The following MDGA2 variants were observed in gnomAD, a reference collection of about 807,000 sequenced individuals.
MDGA2 encodes the protein MAM domain containing glycosylphosphatidylinositol anchor 2.
A neutral mutation model predicts 117.8 loss-of-function variants in MDGA2; 40 were observed. The observed-to-expected ratio is 0.34, with a 90% CI of 0.26 to 0.44. The LOEUF (loss-of-function observed/expected upper bound fraction) is 0.44, where lower values mean the gene tolerates loss of function less well. Among genes scored for constraint, MDGA2 ranks in the 20% least tolerant of loss-of-function variants. The pLI, the probability that MDGA2 is intolerant of heterozygous loss-of-function variation, is 1.00. For synonymous variants in MDGA2, 452 were observed against 439.0 expected, an observed-to-expected ratio of 1.03 and a Z score of -0.37; for missense variants, 1,123 against 1,250.6, an observed-to-expected ratio of 0.90 and a Z score of 1.54.
intron 1 of MDGA2, among the ~76,000 whole-genome samples, chr14:47,425,103 A>C (rs1892660574): frequency 6.6e-6 from 1 of 152,274 alleles, no homozygotes; most frequent in Middle Eastern, 3.4e-3. Flanking sequence ...AGGCAATTTA[A>C]ATTTAGCTTA....
intron 5 of MDGA2, among the ~76,000 whole-genome samples, chr14:47,120,286 C>A (rs985634516): frequency 6.6e-6 from 1 of 152,114 alleles, no homozygotes; most frequent in African/African-American, 2.4e-5. Context: ...GTCCCCAGAA[C>A]ATGAGGGCAA....
At chr14:47,074,698 T>C (rs1333026645) in intron 6 of MDGA2, among the ~76,000 whole-genome samples, 2 of 152,198 alleles carry the variant, frequency 1.3e-5, no homozygotes, top group Non-Finnish European at 2.9e-5. Context: ...TTCTGACCTT[T>C]TGTTTATAGC....
chr14:46,957,680 G>A (rs1353772283), intron 8 of MDGA2, 37 bp from the exon 9 acceptor site: 2 of 1,608,532 alleles, frequency 1.2e-6, no homozygotes, highest in South Asian at 2.2e-5. Flanking sequence ...TGAAAGATGT[G>A]ACTTGCAATA....
At chr14:47,466,064 A>G (rs1387494418) in intron 1 of MDGA2, among the ~76,000 whole-genome samples, 3 of 152,296 alleles carry the variant, frequency 2.0e-5, no homozygotes, top group East Asian at 3.9e-4. Flanking sequence ...AAACTAGCAC[A>G]AGAGCAGAAA....
chr14:47,256,100 T>C (rs1169340328), intron 2 of MDGA2, among the ~76,000 whole-genome samples: 1 of 151,266 alleles, frequency 6.6e-6, no homozygotes, highest in Admixed American at 6.6e-5. Flanking sequence ...CAAATTTCTT[T>C]TTTTTTTTTT....
chr14:47,029,317 G>A (rs1048413199), intron 8 of MDGA2, among the ~76,000 whole-genome samples: 2 of 152,092 alleles, frequency 1.3e-5, no homozygotes, highest in African/African-American at 2.4e-5. Flanking sequence ...ACTGAAACAG[G>A]TGAGGAACAT....
chr14:47,343,744 C>A (rs1487480533), intron 1 of MDGA2, among the ~76,000 whole-genome samples: 1 of 151,998 alleles, frequency 6.6e-6, no homozygotes, highest in African/African-American at 2.4e-5. Context: ...TTTCTTAAAG[C>A]TTTCCCTAGT....
chr14:47,169,170 C>A (rs529660665), intron 3 of MDGA2, among the ~76,000 whole-genome samples: 2 of 151,980 alleles, frequency 1.3e-5, no homozygotes, highest in Non-Finnish European at 2.9e-5. Context: ...TTACATACAC[C>A]CTTCAACACA....
intron 1 of MDGA2, among the ~76,000 whole-genome samples, chr14:47,396,653 C>T (rs958405152): frequency 6.6e-6 from 1 of 152,040 alleles, no homozygotes; most frequent in Admixed American, 6.6e-5. Flanking sequence ...AAAAAAACAA[C>T]CCCATCCAAA....
intron 3 of MDGA2, among the ~76,000 whole-genome samples, chr14:47,169,314 A>G (rs1322890363): frequency 6.6e-6 from 1 of 151,874 alleles, no homozygotes; most frequent in East Asian, 1.9e-4. Context: ...ATTCATAGAT[A>G]TTTCTATAAT....
chr14:47,162,393 GCTAC>G (rs1883679992), intron 3 of MDGA2, among the ~76,000 whole-genome samples: 1 of 152,028 alleles, frequency 6.6e-6, no homozygotes, highest in South Asian at 2.1e-4. Context: ...ATGGTCACTG[GCTAC>G]AGGATTCCTG....
At chr14:47,175,883 T>C (rs868804449) in intron 3 of MDGA2, among the ~76,000 whole-genome samples, 1 of 151,968 alleles carries the variant, frequency 6.6e-6, no homozygotes, top group African/African-American at 2.4e-5. Context: ...GACGACATGA[T>C]TGTATATCTA....
intron 1 of MDGA2, among the ~76,000 whole-genome samples, chr14:47,390,041 T>G (rs1229557256): frequency 6.6e-6 from 1 of 152,144 alleles, no homozygotes; most frequent in Admixed American, 6.5e-5. Context: ...ATGACTTCCC[T>G]TAGACTCTTA....
At chr14:47,367,862 G>T (rs1004072877) in intron 1 of MDGA2, among the ~76,000 whole-genome samples, 4 of 152,116 alleles carry the variant, frequency 2.6e-5, no homozygotes, top group Non-Finnish European at 5.9e-5. Context: ...GATGTTCTTT[G>T]TATCTATCTG....
chr14:47,390,072 C>T (rs1456528951), intron 1 of MDGA2, among the ~76,000 whole-genome samples: 1 of 152,032 alleles, frequency 6.6e-6, no homozygotes, highest in Non-Finnish European at 1.5e-5. Flanking sequence ...TCCTGTAATC[C>T]GTAGAACTTC....
intron 3 of MDGA2, among the ~76,000 whole-genome samples, chr14:47,183,744 G>A (rs1011977500): frequency 3.3e-5 from 5 of 151,910 alleles, no homozygotes; most frequent in African/African-American, 1.2e-4. Context: ...TGTTATTATT[G>A]TTAGAGACTA....
At chr14:47,649,896 G>GA (rs536880684) in intron 1 of MDGA2, among the ~76,000 whole-genome samples, 154 of 152,160 alleles carry the variant, frequency 1.0e-3, no homozygotes, top group African/African-American at 3.5e-3. Context: ...AAAAAGTTGG[G>GA]AGAGAGGTAG....
intron 1 of MDGA2, among the ~76,000 whole-genome samples, chr14:47,660,872 T>C (rs1311655900): frequency 3.3e-5 from 5 of 152,200 alleles, no homozygotes; most frequent in African/African-American, 1.2e-4. Flanking sequence ...GCTTAAAATA[T>C]CCTATCATTC....
intron 8 of MDGA2, among the ~76,000 whole-genome samples, chr14:47,002,479 G>A (rs1887566853): frequency 6.6e-6 from 1 of 152,054 alleles, no homozygotes; most frequent in Non-Finnish European, 1.5e-5. Context: ...TGTAATCCCA[G>A]CACTTTGGGA....
Sources: gnomAD v4.1 joint callset for allele counts (sites outside exome capture counted in the v4.1 genomes callset) on GRCh38, gnomAD v4.1.1 for gene constraint, MANE v1.5 for transcripts, NCBI Gene and HGNC (gene_info 2026-07-23, HGNC 2026-07-21) for gene names.